ZFP30: variants seen among roughly 807,000 people sequenced by gnomAD.
ZFP30 encodes the protein zinc finger protein 30 homolog.
ZFP30 carries 16 observed loss-of-function variants against 12.3 expected under a neutral mutation model. The observed-to-expected ratio is 1.30, with a 90% CI of 0.88 to 1.98. The LOEUF (loss-of-function observed/expected upper bound fraction) is 1.98, where lower values mean the gene tolerates loss of function less well. Among genes scored for constraint, ZFP30 ranks in the 30% most tolerant of loss-of-function variants. The pLI is 0.00. For missense variants in ZFP30, 560 were observed against 611.2 expected, an observed-to-expected ratio of 0.92 and a Z score of 0.88; for synonymous variants, 172 against 201.0, an observed-to-expected ratio of 0.86 and a Z score of 1.22.
intron 2 of ZFP30, among the ~76,000 whole-genome samples, chr19:37,651,954 TATG>T (rs1238856444): frequency 7.2e-5 from 11 of 152,094 alleles, no homozygotes; most frequent in African/African-American, 2.7e-4. Context: ...CAAAACAATA[TATG>T]ATTAGATTTT....
intron 4 of ZFP30, 63 bp downstream of exon 4, chr19:37,644,547 G>A (rs199900691): frequency 1.5e-6 from 1 of 667,204 alleles, no homozygotes; most frequent in South Asian, 2.9e-5. Flanking sequence ...AAAAAACAAA[G>A]ACAGCCCAGA....
chr19:37,643,264 C>T lies in ZFP30; in HGVS notation c.235+1G>A, dbSNP rs1193404010. On this transcript the variant is annotated splice_donor_variant, in intron 5 of 5. Transcript: ENST00000684514. LOFTEE classifies it high-confidence loss of function. Reference sequence around the variant, plus strand: ...CTGACCTCTGCCTGATCAGCACTTACCTAGAGTCCATCTTCTTTTCTCATC... The same window carrying T: ...CTGACCTCTGCCTGATCAGCACTTATCTAGAGTCCATCTTCTTTTCTCATC... 1 of 1,611,100 alleles carries T rather than the reference C, an allele frequency of 6.2e-7. No individual in the cohort carries two copies. The highest frequency in any genetic ancestry group is 1.1e-5 in the South Asian group (1 of 90,222).
rs886338572 is a variant in ZFP30, at chr19:37,634,363, G to A, written c.*618C>T. 7 of 152,164 alleles carry A rather than the reference G, an allele frequency of 4.6e-5. No homozygotes were observed. The highest frequency in any genetic ancestry group is 1.7e-4 in the African/African-American group (7 of 41,428). 9.4% of individuals were successfully genotyped at this position (152,164 alleles called of 1,614,324 possible). ...TTTTTACTCTCTTGCTTTTTGTGAA[G>A]TTGAGATGATGAGTGGGTTCAGACG... On this transcript the variant is annotated 3_prime_UTR_variant, in exon 6 of 6. Coordinates refer to ENST00000684514, the MANE Select transcript of ZFP30 (RefSeq NM_001320669.3).
chr19:37,644,554 C>A, intron 4 of ZFP30, 56 bp downstream of exon 4: 1 of 1,148,302 alleles, frequency 8.7e-7, no homozygotes. Context: ...AAAGACAGCC[C>A]AGAAATTCAG....
At position 37,634,677 on chromosome 19, in the gene ZFP30, C is replaced by T. The variant is rs1386259215; in HGVS notation, c.*304G>A. 1.2e-5 allele frequency: 3 copies of T among 240,468 alleles called. No individual in the cohort carries two copies. Among genetic ancestry groups the T allele is most frequent in the African/African-American group, 2.2e-5 (1 of 44,940 alleles). The allele number at this position is 240,468 out of a possible 1,614,324, so 14.9% of individuals were successfully genotyped here. On this transcript the variant is annotated 3_prime_UTR_variant, in exon 6 of 6. Coordinates refer to ENST00000684514, the MANE Select transcript of ZFP30 (RefSeq NM_001320669.3). ...TCAGAATGAAGTGGTTCCCTAGCAA[C>T]CTTCGTGTGTATATACACAGATGGA...
chr19:37,641,701 C>G (rs2044438944), intron 5 of ZFP30, among the ~76,000 whole-genome samples: 1 of 152,204 alleles, frequency 6.6e-6, no homozygotes, highest in Non-Finnish European at 1.5e-5. Context: ...TAAATATCAT[C>G]AAAAGTCAAT....
intron 1 of ZFP30, 37 bp downstream of exon 1, chr19:37,655,383 G>A (rs1380136172): frequency 1.3e-5 from 2 of 152,640 alleles, no homozygotes; most frequent in Admixed American, 6.5e-5. Flanking sequence ...GAAAAGCAGC[G>A]GCCACAGTGG....
At chr19:37,649,077 A>T (rs912575619) in intron 2 of ZFP30, among the ~76,000 whole-genome samples, 2 of 152,002 alleles carry the variant, frequency 1.3e-5, no homozygotes, top group Admixed American at 1.3e-4. Context: ...GTCTCTAACA[A>T]CAAAAAAATT....
Position 37,635,987 on chromosome 19 carries a change from G to C in ZFP30, c.554C>G (p.Pro185Arg), listed in dbSNP as rs1370780783. Residue 185 changes from proline to arginine, a missense_variant, in exon 6 of 6, where the codon CCC (proline) becomes CGC (arginine). Transcript: ENST00000684514. ...TTTTCCACATTCTTTACATTCATAG[G>C]GTTTCTCACCAGTATGAATTCTTTG... is the stretch of plus-strand genomic sequence containing the variant. ...FHQRIHTGEK[P>R]YECKECGKAF... is the part of the protein sequence containing the mutation. 6.2e-7 allele frequency: 1 copy of C among 1,614,002 alleles called. No homozygotes were observed. The highest frequency in any genetic ancestry group is 2.2e-5 in the East Asian group (1 of 44,858).
At chr19:37,650,014 T>C (rs1477651545) in intron 2 of ZFP30, among the ~76,000 whole-genome samples, 1 of 152,074 alleles carries the variant, frequency 6.6e-6, no homozygotes, top group Non-Finnish European at 1.5e-5. Context: ...TACATGTATA[T>C]GCATGTGTAT....
intron 2 of ZFP30, among the ~76,000 whole-genome samples, chr19:37,649,137 TG>T (rs1293574388): frequency 1.3e-5 from 2 of 151,620 alleles, no homozygotes; most frequent in Non-Finnish European, 2.9e-5. Context: ...CCTAGTTACT[TG>T]GGAGGCTGAG....
rs112697989 is a variant in ZFP30 at position 37,650,769 on chromosome 19, C to T, written c.-77-2870G>A. 6.0e-3 allele frequency among the ~76,000 whole-genome samples: 889 copies of T among 149,262 alleles called. 10 individuals carry two copies. The highest frequency in any genetic ancestry group is 0.021 in the African/African-American group (839 of 40,688). On this transcript the variant is annotated intron_variant, in intron 2 of 5. Coordinates refer to ENST00000684514, the MANE Select transcript of ZFP30 (RefSeq NM_001320669.3). ...TTTTTTTTTGAGACAGAGTTTCACT[C>T]TGTCACCCAGGCTGGAGTGCAGTGG...
intron 5 of ZFP30, among the ~76,000 whole-genome samples, chr19:37,641,837 T>A (rs1410051686): frequency 2.0e-5 from 3 of 152,228 alleles, no homozygotes; most frequent in Non-Finnish European, 4.4e-5. Context: ...TTTCCTATCA[T>A]TTATTTATTT....
intron 2 of ZFP30, among the ~76,000 whole-genome samples, chr19:37,653,603 C>T (rs1262770617): frequency 6.6e-6 from 1 of 152,134 alleles, no homozygotes; most frequent in East Asian, 1.9e-4. Context: ...GCATAACATT[C>T]CATCACATGG....
Position 37,643,248 on chromosome 19 carries a change from G to A in ZFP30, c.235+17C>T, listed in dbSNP as rs545389487. The A allele has an allele frequency of 6.9e-6, 11 of 1,602,034 alleles. No homozygotes were observed. The South Asian group carries it at 1.0e-4, about 15-fold the overall frequency. Reference sequence around the variant, plus strand: ...GGCCATGCCATAATGGCTGACCTCTGCCTGATCAGCACTTACCTAGAGTCC... The same window carrying A: ...GGCCATGCCATAATGGCTGACCTCTACCTGATCAGCACTTACCTAGAGTCC... On this transcript the variant is annotated intron_variant, in intron 5 of 5. Coordinates refer to ENST00000684514, the MANE Select transcript of ZFP30 (RefSeq NM_001320669.3).
Position 37,634,139 on chromosome 19 carries a change from T to C in ZFP30, c.*842A>G, listed in dbSNP as rs915125287. 2.0e-5 allele frequency: 3 copies of C among 152,234 alleles called. No individual in the cohort carries two copies. The highest frequency in any genetic ancestry group is 7.2e-5 in the African/African-American group (3 of 41,472). 9.4% of individuals were successfully genotyped at this position (152,234 alleles called of 1,614,324 possible). On this transcript the variant is annotated 3_prime_UTR_variant, in exon 6 of 6. Transcript: ENST00000684514. ...CCTTATTTCTTAAAATGCCATTTTA[T>C]TGGTTGGGAAACCAGGTGATTCCTC...
intron 4 of ZFP30, chr19:37,644,256 C>G (rs116989057): frequency 0.014 from 2,209 of 160,466 alleles, 21 homozygotes; most frequent in Non-Finnish European, 0.021. Flanking sequence ...GAAAGACAGC[C>G]CAGACGCGGT....
chr19:37,637,163 T>C (rs1213265485), intron 5 of ZFP30, among the ~76,000 whole-genome samples: 2 of 152,048 alleles, frequency 1.3e-5, no homozygotes, highest in Non-Finnish European at 2.9e-5. Context: ...ATATATCCTT[T>C]GTTTTCTATC....
At position 37,635,101 on chromosome 19, in the gene ZFP30, T is replaced by C. The variant is rs2044292919; in HGVS notation, c.1440A>G (p.Ser480=). The change falls in exon 6 of 6, where the codon TCA becomes TCG. Residue 480 remains serine, a synonymous_variant. Transcript: ENST00000684514. ...ECGKAFRLHS[S]LIQHQRIHSG... Reference sequence around the variant, plus strand: ...AATGAATTCTCTGATGTTGAATCAGTGATGAATGAAGTCTAAAGGCCTTTC... The same window carrying C: ...AATGAATTCTCTGATGTTGAATCAGCGATGAATGAAGTCTAAAGGCCTTTC... 6.2e-7 allele frequency: 1 copy of C among 1,613,730 alleles called. No homozygotes were observed. Among genetic ancestry groups the C allele is most frequent in the Non-Finnish European group, 8.5e-7 (1 of 1,179,838 alleles).
Sources: allele counts gnomAD v4.1 joint callset (sites outside exome capture counted in the v4.1 genomes callset), GRCh38; gene constraint gnomAD v4.1.1; transcripts MANE v1.5; gene names NCBI Gene and HGNC (gene_info 2026-07-23, HGNC 2026-07-21).